Variants in PLXNA4 observed in about 807,000 individuals in gnomAD.
PLXNA4 encodes plexin-A4.
A neutral mutation model predicts 191.8 loss-of-function variants in PLXNA4; 44 were observed. The observed-to-expected ratio is 0.23, with a 90% CI of 0.18 to 0.29. The LOEUF is 0.29. Among genes scored for constraint, PLXNA4 ranks in the 10% least tolerant of loss-of-function variants. PLXNA4 has a pLI of 1.00. For synonymous variants in PLXNA4, 1,082 were observed against 1,009.5 expected (o/e 1.07, Z -1.36); for missense variants, 1,800 against 2,488.8 (o/e 0.72, Z 5.89).
At chr7:132,151,314 G>A (rs62469703) in intron 25 of PLXNA4, among the ~76,000 whole-genome samples, 2,341 of 21,426 alleles carry the variant, frequency 0.11, 210 homozygotes, top group African/African-American at 0.21. Flanking sequence ...GAGGAAGAAG[G>A]AGGAGGAGGA....
intron 3 of PLXNA4, among the ~76,000 whole-genome samples, chr7:132,429,820 T>C (rs1380557495): frequency 3.3e-5 from 5 of 152,190 alleles, no homozygotes; most frequent in Non-Finnish European, 7.3e-5. Flanking sequence ...GTCAGTCTTT[T>C]CTAGGTCACA....
intron 1 of PLXNA4, among the ~76,000 whole-genome samples, chr7:132,509,980 G>A (rs1458973544): frequency 6.6e-6 from 1 of 152,180 alleles, no homozygotes; most frequent in African/African-American, 2.4e-5. Context: ...GAGAAAAAAT[G>A]CTTTAAGAAG....
chr7:132,210,034 T>C (rs1797745290), intron 10 of PLXNA4, among the ~76,000 whole-genome samples: 1 of 152,184 alleles, frequency 6.6e-6, no homozygotes, highest in African/African-American at 2.4e-5. Flanking sequence ...TTAAAGAAGG[T>C]CTCCAAATGG....
intron 3 of PLXNA4, among the ~76,000 whole-genome samples, chr7:132,356,717 A>C (rs1398916689): frequency 6.6e-6 from 1 of 152,250 alleles, no homozygotes; most frequent in Non-Finnish European, 1.5e-5. Context: ...CCCTCTATTA[A>C]GCAAGTTCTG....
intron 2 of PLXNA4, among the ~76,000 whole-genome samples, chr7:132,599,675 C>T (rs1802780347): frequency 6.6e-6 from 1 of 151,804 alleles, no homozygotes; most frequent in East Asian, 1.9e-4. Context: ...AGCATTTAGA[C>T]TTCTCCCCCT....
At position 132,228,395 on chromosome 7, in the gene PLXNA4, C is replaced by T. The variant is rs770346853; in HGVS notation, c.1679G>A (p.Arg560Gln). The change falls in exon 6 of 32, where the codon CGG becomes CAG. Residue 560 changes from arginine (R) to glutamine (Q), a missense_variant. Around this residue, in one of 6 missense-constraint regions of PLXNA4, gnomAD observed 1,397 missense variants for 1,880.4 expected, o/e 0.74. Transcript: ENST00000321063. ...GATATTGTTGGGATGGACCGTCAGC[C>T]GGACACACTGCTTCATCTCCGAGGC... ...RFASEMKQCV[R>Q]LTVHPNNISV... 13 of 1,614,020 alleles carry T rather than the reference C, an allele frequency of 8.1e-6. No individual in the cohort carries two copies. The highest frequency in any genetic ancestry group is 1.3e-5 in the African/African-American group (1 of 74,902).
At chr7:132,274,152 G>A (rs911071173) in intron 4 of PLXNA4, among the ~76,000 whole-genome samples, 1 of 152,060 alleles carries the variant, frequency 6.6e-6, no homozygotes, top group African/African-American at 2.4e-5. Flanking sequence ...ACAGGTCAGT[G>A]ATTTCCAGGT....
intron 3 of PLXNA4, among the ~76,000 whole-genome samples, chr7:132,408,268 G>A (rs1355660096): frequency 6.6e-6 from 1 of 152,044 alleles, no homozygotes; most frequent in Non-Finnish European, 1.5e-5. Flanking sequence ...GAAAAAATGA[G>A]ACATAGAGTA....
chr7:132,348,602 C>T (rs1234835990), intron 3 of PLXNA4, among the ~76,000 whole-genome samples: 1 of 152,204 alleles, frequency 6.6e-6, no homozygotes, highest in African/African-American at 2.4e-5. Context: ...GCTCTGGCTG[C>T]CCCACATCCC....
At chr7:132,181,968 G>C (rs1329295149) in intron 17 of PLXNA4, 129 bp downstream of exon 17, 1 of 1,450,532 alleles carries the variant, frequency 6.9e-7, no homozygotes. Flanking sequence ...TAGTATTCAA[G>C]GGTGTCAGGC....
chr7:132,612,832 G>A (rs1803079132), intron 2 of PLXNA4, among the ~76,000 whole-genome samples: 1 of 152,030 alleles, frequency 6.6e-6, no homozygotes, highest in Non-Finnish European at 1.5e-5. Context: ...CTGTCTCTAG[G>A]CATCGCCCAA....
intron 2 of PLXNA4, among the ~76,000 whole-genome samples, chr7:132,614,703 T>C (rs1034537695): frequency 6.6e-6 from 1 of 152,242 alleles, no homozygotes; most frequent in African/African-American, 2.4e-5. Context: ...CTGGCCCAAT[T>C]TGACTAATGA....
intron 1 of PLXNA4, among the ~76,000 whole-genome samples, chr7:132,537,044 C>T (rs565686011): frequency 8.5e-5 from 13 of 152,324 alleles, no homozygotes; most frequent in African/African-American, 2.9e-4. Context: ...AGCCTTGAAG[C>T]GACAGGTTAC....
chr7:132,152,073 A>G (rs935188830), intron 25 of PLXNA4, among the ~76,000 whole-genome samples: 3 of 152,144 alleles, frequency 2.0e-5, no homozygotes, highest in Non-Finnish European at 4.4e-5. Context: ...AGAAGATCAG[A>G]TAGTGGGCAT....
At chr7:132,491,197 C>T (rs1303731833) in intron 2 of PLXNA4, among the ~76,000 whole-genome samples, 1 of 152,192 alleles carries the variant, frequency 6.6e-6, no homozygotes, top group African/African-American at 2.4e-5. Context: ...TGCACTCGTG[C>T]CTGTAAATGT....
intron 2 of PLXNA4, among the ~76,000 whole-genome samples, chr7:132,496,948 C>A (rs1798041944): frequency 6.6e-6 from 1 of 152,074 alleles, no homozygotes; most frequent in African/African-American, 2.4e-5. Context: ...TCTGTGCATC[C>A]CAAAGGAAAG....
intron 3 of PLXNA4, among the ~76,000 whole-genome samples, chr7:132,389,801 G>A (rs542261511): frequency 6.6e-6 from 1 of 152,188 alleles, no homozygotes; most frequent in South Asian, 2.1e-4. Context: ...TTCCAATTCT[G>A]TGAAGAAAGT....
At chr7:132,487,299 G>A (rs1157000628) in intron 3 of PLXNA4, among the ~76,000 whole-genome samples, 2 of 152,132 alleles carry the variant, frequency 1.3e-5, no homozygotes, top group African/African-American at 4.8e-5. Flanking sequence ...GGCAAGGCAG[G>A]AAGTTACTTC....
intron 2 of PLXNA4, among the ~76,000 whole-genome samples, chr7:132,611,010 TCCCCAA>T (rs1372160691): frequency 6.6e-6 from 1 of 152,114 alleles, no homozygotes; most frequent in Non-Finnish European, 1.5e-5. Flanking sequence ...GTCACTGGTC[TCCCCAA>T]CCCCAATCAC....
Sources: allele counts gnomAD v4.1 joint callset (sites outside exome capture counted in the v4.1 genomes callset), GRCh38; gene constraint gnomAD v4.1.1; regional missense constraint gnomAD v4.1.1; transcripts MANE v1.5; gene names NCBI Gene and HGNC (gene_info 2026-07-23, HGNC 2026-07-21).